Variants in SCOC observed in about 807,000 individuals in gnomAD.
The protein encoded by SCOC is short coiled coil protein.
A neutral mutation model predicts 9.9 loss-of-function variants in SCOC; 7 were observed. That is an observed-to-expected ratio of 0.71 (90% CI 0.40 to 1.33). The LOEUF (loss-of-function observed/expected upper bound fraction) is 1.33. Ranked by LOEUF, SCOC falls within the 40% of genes most tolerant of loss-of-function variation. The pLI is 0.01. For missense variants in SCOC, 66 were observed against 89.7 expected (o/e 0.74, Z 1.07); for synonymous variants, 19 against 28.2 (o/e 0.67, Z 1.03).
upstream of SCOC, among the ~76,000 whole-genome samples, chr4:140,340,446 C>G (rs78070399): frequency 2.3e-4 from 35 of 151,672 alleles, 1 homozygote; most frequent in East Asian, 5.2e-3. Flanking sequence ...CACATGTACC[C>G]TAAAACTTAA....
chr4:140,280,585 A>G (rs1731075868), intron 1 of SCOC, among the ~76,000 whole-genome samples: 1 of 152,204 alleles, frequency 6.6e-6, no homozygotes, highest in Non-Finnish European at 1.5e-5. Context: ...TTATTTAATG[A>G]AATAAATCAA....
At chr4:140,311,980 T>C (rs1732170037) in intron 1 of SCOC, among the ~76,000 whole-genome samples, 1 of 152,256 alleles carries the variant, frequency 6.6e-6, no homozygotes, top group Non-Finnish European at 1.5e-5. Flanking sequence ...AAAAATAATT[T>C]TGTTTTGCAA....
At chr4:140,340,549 A>G (rs1726473619), upstream of SCOC, among the ~76,000 whole-genome samples, 1 of 152,074 alleles carries the variant, frequency 6.6e-6, no homozygotes, top group Non-Finnish European at 1.5e-5. Context: ...CGAATGTAAA[A>G]GAATGAAGCT....
At chr4:140,376,227 G>A (rs761511338) in intron 1 of SCOC, among the ~76,000 whole-genome samples, 5 of 152,142 alleles carry the variant, frequency 3.3e-5, no homozygotes, top group Non-Finnish European at 7.4e-5. Flanking sequence ...AAAGAACTCA[G>A]CAAGTCTTTT....
At chr4:140,313,720 C>T (rs1473233052) in intron 1 of SCOC, among the ~76,000 whole-genome samples, 2 of 152,090 alleles carry the variant, frequency 1.3e-5, no homozygotes, top group Non-Finnish European at 2.9e-5. Context: ...TCAAGACCCT[C>T]TTGCTAATAC....
At chr4:140,326,053 T>C (rs1732635172) in intron 1 of SCOC, among the ~76,000 whole-genome samples, 1 of 152,162 alleles carries the variant, frequency 6.6e-6, no homozygotes, top group Non-Finnish European at 1.5e-5. Flanking sequence ...ATGCATTCTG[T>C]AAGTGAAACA....
chr4:140,348,014 A>T (rs761009413), intron 2 of SCOC, among the ~76,000 whole-genome samples: 15 of 152,206 alleles, frequency 9.9e-5, no homozygotes, highest in Admixed American at 9.8e-4. Context: ...TACTAAATAC[A>T]AATAAAAATT....
At chr4:140,375,319 A>G (rs1375579370) in intron 1 of SCOC, among the ~76,000 whole-genome samples, 1 of 152,240 alleles carries the variant, frequency 6.6e-6, no homozygotes, top group Admixed American at 6.5e-5. Context: ...TGTACTAGGT[A>G]CTGTTGCCAA....
At chr4:140,283,677 G>A (rs963791888) in intron 1 of SCOC, 3 of 152,190 alleles carry the variant, frequency 2.0e-5, no homozygotes, top group Non-Finnish European at 4.4e-5. Context: ...GCCCGTATAT[G>A]ACCTTCATGT....
chr4:140,376,842 A>G (rs1325324558), intron 1 of SCOC: 1 of 152,232 alleles, frequency 6.6e-6, no homozygotes, highest in African/African-American at 2.4e-5. Context: ...AGTCTGAAAC[A>G]TAAGCAAAAG....
intron 2 of SCOC, among the ~76,000 whole-genome samples, chr4:140,349,312 A>G (rs1262094979): frequency 2.6e-5 from 4 of 152,188 alleles, no homozygotes; most frequent in East Asian, 3.9e-4. Flanking sequence ...ATAAGTGGAA[A>G]CTTTAAGAGA....
At chr4:140,336,060 A>G (rs11943754) in intron 1 of SCOC, among the ~76,000 whole-genome samples, 29,914 of 152,006 alleles carry the variant, frequency 0.2, 3,828 homozygotes, top group African/African-American at 0.36. Flanking sequence ...TCTTGATTCT[A>G]TGATACATGG....
intron 1 of SCOC, among the ~76,000 whole-genome samples, chr4:140,323,492 A>G (rs188649717): frequency 1.1e-3 from 168 of 152,298 alleles, no homozygotes; most frequent in African/African-American, 3.9e-3. Flanking sequence ...GTCACTGGTT[A>G]AGCTGGCCAA....
intron 2 of SCOC, among the ~76,000 whole-genome samples, chr4:140,364,641 G>C (rs1040760390): frequency 2.0e-5 from 3 of 152,178 alleles, no homozygotes; most frequent in Non-Finnish European, 4.4e-5. Flanking sequence ...GAAGGGAAAA[G>C]AAAAACATCA....
At chr4:140,374,246 C>T (rs1162228754) in intron 1 of SCOC, 4 of 445,166 alleles carry the variant, frequency 9.0e-6, no homozygotes, top group Non-Finnish European at 1.8e-5. Flanking sequence ...TCGTCTTCTC[C>T]CCCAGAGTCC....
chr4:140,367,569 G>A (rs569028840), intron 2 of SCOC, among the ~76,000 whole-genome samples: 17 of 152,072 alleles, frequency 1.1e-4, no homozygotes, highest in Admixed American at 2.6e-4. Context: ...TAGTAGAGAC[G>A]GGGTTTCACC....
chr4:140,362,301 T>TCTTCTTCTTCTTCTTCTTCTTCTTC, intron 2 of SCOC, among the ~76,000 whole-genome samples: 17 of 29,404 alleles, frequency 5.8e-4, no homozygotes, highest in Admixed American at 1.2e-3. Flanking sequence ...TTCTTCTTCT[T>TCTTCTTCTTCTTCTTCTTCTTCTTC]TTTTTTTTTT....
chr4:140,311,242 A>C (rs1034547428), intron 1 of SCOC, among the ~76,000 whole-genome samples: 1 of 152,136 alleles, frequency 6.6e-6, no homozygotes, highest in Admixed American at 6.6e-5. Flanking sequence ...TAAAAATAAT[A>C]AAAAAAGATT....
rs543878706 is a variant in SCOC at position 140,360,404 on chromosome 4, C to T, written c.70+16696C>T. ...AATATCTCCTGACAGTTGTCAGAGA[C>T]ATATGTTATGATGAGGTGATGTCAG... On this transcript the variant is annotated intron_variant, in intron 2 of 4. Coordinates refer to the SCOC transcript ENST00000338517. 3.1e-3 allele frequency among the ~76,000 whole-genome samples: 478 copies of T among 152,210 alleles called. 4 individuals are homozygous for T. Among genetic ancestry groups the T allele is most frequent in the African/African-American group, 0.011 (451 of 41,508 alleles).
Sources: gnomAD v4.1 joint callset for allele counts (sites outside exome capture counted in the v4.1 genomes callset) on GRCh38, gnomAD v4.1.1 for gene constraint, MANE v1.5 for transcripts, NCBI Gene and HGNC (gene_info 2026-07-23, HGNC 2026-07-21) for gene names.